KIDINS220: variants seen among roughly 807,000 people sequenced by gnomAD.
The protein encoded by KIDINS220 is kinase D interacting substrate 220.
A neutral mutation model predicts 157.6 loss-of-function variants in KIDINS220; 63 were observed. The ratio of observed to expected loss-of-function variants is 0.40; its 90% confidence interval spans 0.33 to 0.49. The LOEUF is 0.49. Among genes scored for constraint, KIDINS220 ranks in the 20% least tolerant of loss-of-function variants. The pLI, the probability that KIDINS220 is intolerant of heterozygous loss-of-function variation, is 0.66. For missense variants in KIDINS220, 1,772 were observed against 2,171.2 expected, an observed-to-expected ratio of 0.82 and a Z score of 3.65; for synonymous variants, 732 against 783.6, an observed-to-expected ratio of 0.93 and a Z score of 1.10.
At chr2:8,817,246 A>C (rs1304533950) in intron 4 of KIDINS220, among the ~76,000 whole-genome samples, 5 of 152,320 alleles carry the variant, frequency 3.3e-5, no homozygotes, top group Non-Finnish European at 5.9e-5. Context: ...TATTATTCTG[A>C]AAAGTATAAC....
chr2:8,816,526 T>C (rs1677094172), intron 4 of KIDINS220, among the ~76,000 whole-genome samples: 1 of 152,240 alleles, frequency 6.6e-6, no homozygotes, highest in South Asian at 2.1e-4. Context: ...CCTATTGGTA[T>C]GGTACCTATT....
chr2:8,765,660 T>A (rs146979672), intron 22 of KIDINS220, among the ~76,000 whole-genome samples: 1 of 152,304 alleles, frequency 6.6e-6, no homozygotes, highest in East Asian at 1.9e-4. Flanking sequence ...CTAGCTCACA[T>A]AGAAAATGCC....
intron 1 of KIDINS220, among the ~76,000 whole-genome samples, chr2:8,833,627 G>A (rs574151032): frequency 6.6e-6 from 1 of 151,988 alleles, no homozygotes; most frequent in Non-Finnish European, 1.5e-5. Flanking sequence ...TAGCTTAATA[G>A]CTGGCCCATA....
intron 2 of KIDINS220, among the ~76,000 whole-genome samples, chr2:8,824,450 G>A (rs7563832): frequency 0.27 from 40,364 of 152,014 alleles, 5,529 homozygotes; most frequent in Middle Eastern, 0.34. Context: ...GGAGGTCGAG[G>A]CGGGCAGACA....
At chr2:8,727,423 T>G (rs555481361), downstream of KIDINS220, among the ~76,000 whole-genome samples, 4 of 152,244 alleles carry the variant, frequency 2.6e-5, no homozygotes, top group African/African-American at 9.6e-5. Context: ...TCCTGGTAGA[T>G]AGGTTGATTT....
intron 8 of KIDINS220, among the ~76,000 whole-genome samples, chr2:8,801,847 C>T (rs1007446912): frequency 6.6e-6 from 1 of 152,190 alleles, no homozygotes; most frequent in Non-Finnish European, 1.5e-5. Context: ...GTTGAGGCCA[C>T]AGTGAGCTGT....
intron 4 of KIDINS220, among the ~76,000 whole-genome samples, chr2:8,814,943 T>TA (rs1248264185): frequency 6.6e-6 from 1 of 152,298 alleles, no homozygotes; most frequent in East Asian, 1.9e-4. Context: ...AGGAACATTC[T>TA]AAAATTACTG....
In KIDINS220 at chr2:8,730,637, G is replaced by A; in HGVS notation, c.*83C>T. 6.7e-7 allele frequency: 1 copy of A among 1,502,676 alleles called. No homozygotes were observed. The highest frequency in any genetic ancestry group is 2.3e-5 in the Admixed American group (1 of 43,328). 93.1% of individuals were successfully genotyped at this position (1,502,676 alleles called of 1,614,324 possible). A position where few individuals can be genotyped will look rare whatever the true frequency, so the allele number is the denominator to read the frequency against. On this transcript the variant is annotated 3_prime_UTR_variant, in exon 30 of 30. Coordinates refer to ENST00000256707, the MANE Select transcript of KIDINS220 (RefSeq NM_020738.4). ...GTTATCTGTCAGCAAAATGTAGAAA[G>A]GTGATGGGCGTGGATGGAGTCAAAA... is the stretch of plus-strand genomic sequence containing the variant.
At chr2:8,776,714 TTAAC>T (rs1558397872) in intron 21 of KIDINS220, 30 bp downstream of exon 21, 2 of 1,581,316 alleles carry the variant, frequency 1.3e-6, no homozygotes, top group South Asian at 1.1e-5. Context: ...CTAAAGCTTA[TTAAC>T]TATCATAGAC....
intron 22 of KIDINS220, among the ~76,000 whole-genome samples, chr2:8,758,983 G>A (rs1384833544): frequency 6.6e-6 from 1 of 152,198 alleles, no homozygotes; most frequent in Non-Finnish European, 1.5e-5. Context: ...AGGCATCTAT[G>A]CTCGTGTGGT....
At chr2:8,777,980 T>C (rs1382003268) in intron 20 of KIDINS220, among the ~76,000 whole-genome samples, 1 of 152,172 alleles carries the variant, frequency 6.6e-6, no homozygotes. Context: ...AACTTAATGG[T>C]AGCAAACCAG....
intron 1 of KIDINS220, among the ~76,000 whole-genome samples, chr2:8,834,222 ACCATT>A (rs1262180074): frequency 2.0e-5 from 3 of 151,966 alleles, no homozygotes; most frequent in Non-Finnish European, 2.9e-5. Context: ...TCTTCTTACA[ACCATT>A]CTGTGCTCAA....
At chr2:8,746,952 T>C (rs923287869) in intron 26 of KIDINS220, 193 bp downstream of exon 26, 3 of 525,792 alleles carry the variant, frequency 5.7e-6, no homozygotes, top group African/African-American at 3.9e-5. Flanking sequence ...GAGGAAATAA[T>C]GGGTGAAGTT....
intron 15 of KIDINS220, among the ~76,000 whole-genome samples, chr2:8,787,380 T>C (rs1672566959): frequency 6.6e-6 from 1 of 151,928 alleles, no homozygotes. Context: ...TTAATGCTTT[T>C]TTTTTTTGAG....
At chr2:8,747,474 C>T in intron 25 of KIDINS220, 2 of 502,040 alleles carry the variant, frequency 4.0e-6, no homozygotes, top group East Asian at 3.5e-5. Context: ...TAATTCCTGC[C>T]ATTTGATTGA....
At chr2:8,792,037 G>A (rs1183229947) in intron 12 of KIDINS220, among the ~76,000 whole-genome samples, 1 of 152,138 alleles carries the variant, frequency 6.6e-6, no homozygotes, top group Non-Finnish European at 1.5e-5. Flanking sequence ...AGTAAGTGGT[G>A]TTGGGAAAGT....
intron 11 of KIDINS220, among the ~76,000 whole-genome samples, chr2:8,794,663 A>C (rs1558437959): frequency 6.6e-6 from 1 of 152,320 alleles, no homozygotes; most frequent in African/African-American, 2.4e-5. Context: ...CAATCACATT[A>C]GTGCTCACAT....
At chr2:8,736,013 A>T (rs891314739) in intron 27 of KIDINS220, among the ~76,000 whole-genome samples, 1 of 152,234 alleles carries the variant, frequency 6.6e-6, no homozygotes, top group African/African-American at 2.4e-5. Context: ...TGTTTGACTC[A>T]TGCAAACAGG....
intron 22 of KIDINS220, among the ~76,000 whole-genome samples, chr2:8,770,316 G>A (rs186338994): frequency 6.6e-6 from 1 of 152,286 alleles, no homozygotes; most frequent in East Asian, 1.9e-4. Flanking sequence ...TGAGATGGGA[G>A]GATGACTTGA....
Sources: gnomAD v4.1 joint callset for allele counts (sites outside exome capture counted in the v4.1 genomes callset) on GRCh38, gnomAD v4.1.1 for gene constraint, MANE v1.5 for transcripts, NCBI Gene and HGNC (gene_info 2026-07-23, HGNC 2026-07-21) for gene names.